Variants in TNR observed in about 807,000 individuals in gnomAD.
TNR encodes the protein tenascin R.
Under a neutral mutation model 150.4 loss-of-function variants are expected in TNR, and 45 were observed. The observed-to-expected ratio is 0.30, with a 90% CI of 0.24 to 0.38. The LOEUF is 0.38. Among genes scored for constraint, TNR ranks in the 10% least tolerant of loss-of-function variants. The probability of loss-of-function intolerance (pLI) is 1.00; values close to 1 mark genes in which losing one functional copy is unlikely to be tolerated. For synonymous variants in TNR, 687 were observed against 678.4 expected, an observed-to-expected ratio of 1.01 and a Z score of -0.20; for missense variants, 1,544 against 1,759.1, an observed-to-expected ratio of 0.88 and a Z score of 2.19.
chr1:175,682,368 C>T (rs1666059871), intron 1 of TNR, among the ~76,000 whole-genome samples: 1 of 152,188 alleles, frequency 6.6e-6, no homozygotes, highest in Non-Finnish European at 1.5e-5. Flanking sequence ...GTGTTCTAGG[C>T]AGAGACGCCG....
intron 1 of TNR, among the ~76,000 whole-genome samples, chr1:175,632,757 G>A (rs1029467988): frequency 2.6e-5 from 4 of 152,120 alleles, no homozygotes; most frequent in Non-Finnish European, 5.9e-5. Context: ...TGAAAAAAAC[G>A]AGATGGGAAG....
chr1:175,670,533 G>C (rs1665667080), intron 1 of TNR, among the ~76,000 whole-genome samples: 1 of 152,194 alleles, frequency 6.6e-6, no homozygotes, highest in African/African-American at 2.4e-5. Context: ...CTATCATTTA[G>C]TGAGCACTTA....
chr1:175,543,624 C>T (rs145328441), intron 1 of TNR, among the ~76,000 whole-genome samples: 25 of 152,226 alleles, frequency 1.6e-4, no homozygotes, highest in Admixed American at 1.5e-3. Context: ...ACTGTGTTAG[C>T]TCCTGGGCAA....
chr1:175,341,281 A>C (rs1451700465), intron 18 of TNR, among the ~76,000 whole-genome samples: 1 of 152,186 alleles, frequency 6.6e-6, no homozygotes, highest in African/African-American at 2.4e-5. Flanking sequence ...CAAGAGCAAA[A>C]CTGGAAGGTT....
chr1:175,683,168 C>A (rs1230448028), intron 1 of TNR, among the ~76,000 whole-genome samples: 1 of 152,162 alleles, frequency 6.6e-6, no homozygotes, highest in African/African-American at 2.4e-5. Context: ...TGCTTAGAGC[C>A]AGCTTCCATG....
chr1:175,612,679 G>A lies in TNR; in HGVS notation c.-164-84310C>T, dbSNP rs114204501. On this transcript the variant is annotated intron_variant, in intron 1 of 22. Coordinates refer to ENST00000367674, the MANE Select transcript of TNR (RefSeq NM_003285.3). ...TAAGGACCTTCTAACCTTGACAAAC[G>A]TATCCTTAATCTTTCTGTGATGTCT... Among the ~76,000 whole-genome samples the A allele has an allele frequency of 3.7e-3, 567 of 152,238 alleles. 2 individuals are homozygous for A. Among genetic ancestry groups the A allele is most frequent in the South Asian group, 0.025 (121 of 4,826 alleles).
Position 175,365,088 on chromosome 1 carries a change from C to A in TNR, c.2509G>T (p.Ala837Ser), listed in dbSNP as rs749495163. Residue 837 changes from alanine to serine, a missense_variant, in exon 12 of 23, where the codon GCC (alanine) becomes TCC (serine). Physicochemically the swap from Ala to Ser is moderately conservative, Grantham distance 99. Around this residue, in one of 2 missense-constraint regions of TNR, gnomAD observed 1,254 missense variants for 1,329.4 expected, o/e 0.94. Transcript: ENST00000367674. ...ACAAGGTTCACAATATACTCTGTGG[C>A]TGGTTGCAGGCCCATCAGGACAGCA... The part of the protein sequence containing the change: ...RHAVLMGLQP[A>S]TEYIVNLVAV... The A allele has an allele frequency of 2.5e-6, 4 of 1,614,096 alleles. No homozygotes were observed.
chr1:175,638,968 CTCTT>C (rs1664568722), intron 1 of TNR, among the ~76,000 whole-genome samples: 1 of 152,134 alleles, frequency 6.6e-6, no homozygotes, highest in African/African-American at 2.4e-5. Context: ...CTTGACTTCT[CTCTT>C]TCTGTCAACA....
chr1:175,549,708 G>A (rs999898871), intron 1 of TNR, among the ~76,000 whole-genome samples: 1 of 152,168 alleles, frequency 6.6e-6, no homozygotes, highest in Non-Finnish European at 1.5e-5. Flanking sequence ...CTGAGTGGAG[G>A]TGGCCCATAG....
At chr1:175,633,455 G>A (rs1664396774) in intron 1 of TNR, among the ~76,000 whole-genome samples, 1 of 152,118 alleles carries the variant, frequency 6.6e-6, no homozygotes, top group African/African-American at 2.4e-5. Flanking sequence ...TTATAGCTAT[G>A]GGACAAGAGG....
In TNR at chr1:175,326,486, G is replaced by A. The variant is rs111582039; in HGVS notation, c.3794-1967C>T. Among the ~76,000 whole-genome samples, 587 of 152,124 alleles carry A rather than the reference G, an allele frequency of 3.9e-3. 3 individuals carry two copies. The highest frequency in any genetic ancestry group is 5.1e-3 in the Non-Finnish European group (348 of 67,982). On this transcript the variant is annotated intron_variant, in intron 21 of 22. Coordinates refer to ENST00000367674, the MANE Select transcript of TNR (RefSeq NM_003285.3). ...GAAGGCTGACGCCCTCACTGGGGAGGCCCTAACTCAACATGACATGATCTT... is the reference window on the plus strand; with the variant it reads ...GAAGGCTGACGCCCTCACTGGGGAGACCCTAACTCAACATGACATGATCTT...
intron 1 of TNR, among the ~76,000 whole-genome samples, chr1:175,713,665 C>A (rs1336473228): frequency 6.6e-6 from 1 of 152,160 alleles, no homozygotes; most frequent in Non-Finnish European, 1.5e-5. Context: ...AGCCACCAAA[C>A]CAGCTGCTGC....
intron 1 of TNR, among the ~76,000 whole-genome samples, chr1:175,540,903 T>C (rs1047354184): frequency 3.3e-5 from 5 of 152,114 alleles, no homozygotes; most frequent in African/African-American, 1.2e-4. Flanking sequence ...AGGTTTAAGG[T>C]GTGCCCAAGG....
chr1:175,331,222 T>TTCCTTCCTTCC (rs1649906339), intron 20 of TNR, among the ~76,000 whole-genome samples: 1 of 85,724 alleles, frequency 1.2e-5, no homozygotes, highest in African/African-American at 4.9e-5. Flanking sequence ...TCCTTCCTTC[T>TTCCTTCCTTCC]TTCCTGCCTC....
intron 1 of TNR, among the ~76,000 whole-genome samples, chr1:175,701,028 A>G (rs1320804271): frequency 6.6e-6 from 1 of 152,220 alleles, no homozygotes; most frequent in South Asian, 2.1e-4. Flanking sequence ...TGCCTCTGCA[A>G]TTCCTTTCAC....
At chr1:175,544,676 C>G (rs1197274906) in intron 1 of TNR, among the ~76,000 whole-genome samples, 1 of 152,150 alleles carries the variant, frequency 6.6e-6, no homozygotes, top group Non-Finnish European at 1.5e-5. Flanking sequence ...GCAAGAAGCT[C>G]TTGAGGACAC....
At chr1:175,368,547 C>A (rs2102016362) in intron 9 of TNR, among the ~76,000 whole-genome samples, 1 of 152,282 alleles carries the variant, frequency 6.6e-6, no homozygotes, top group Non-Finnish European at 1.5e-5. Flanking sequence ...GTCCTTTTTG[C>A]CCTGTAAGGT....
chr1:175,548,917 T>C (rs1660826724), intron 1 of TNR, among the ~76,000 whole-genome samples: 1 of 152,202 alleles, frequency 6.6e-6, no homozygotes, highest in Non-Finnish European at 1.5e-5. Flanking sequence ...TAGTGATTCA[T>C]CACTGAATAC....
At chr1:175,522,139 C>T (rs900717753) in intron 2 of TNR, among the ~76,000 whole-genome samples, 27 of 151,960 alleles carry the variant, frequency 1.8e-4, no homozygotes, top group African/African-American at 6.0e-4. Context: ...TTTCTCCTGC[C>T]TAAATGCCAC....
Sources: allele counts gnomAD v4.1 joint callset (sites outside exome capture counted in the v4.1 genomes callset), GRCh38; gene constraint gnomAD v4.1.1; regional missense constraint gnomAD v4.1.1; transcripts MANE v1.5; gene names NCBI Gene and HGNC (gene_info 2026-07-23, HGNC 2026-07-21).